The following RGS7 variants were observed in gnomAD, a reference collection of about 807,000 sequenced individuals.
RGS7 encodes regulator of G-protein signaling 7.
A neutral mutation model predicts 81.1 loss-of-function variants in RGS7; 27 were observed. The observed-to-expected ratio is 0.33, with a 90% confidence interval of 0.25 to 0.46. RGS7 has a LOEUF of 0.46. Among genes scored for constraint, RGS7 ranks in the 20% least tolerant of loss-of-function variants. The pLI is 1.00. For missense variants in RGS7, 396 were observed against 607.4 expected (o/e 0.65, Z 3.66); for synonymous variants, 208 against 207.7 (o/e 1.00, Z -0.01).
At chr1:241,205,552 C>G (rs547258739) in intron 2 of RGS7, among the ~76,000 whole-genome samples, 151 of 152,012 alleles carry the variant, frequency 9.9e-4, no homozygotes, top group African/African-American at 3.4e-3. Context: ...CCTCCACCCC[C>G]CAGGTTCAAG....
chr1:240,851,500 C>T (rs1660094979), intron 9 of RGS7, among the ~76,000 whole-genome samples: 1 of 152,190 alleles, frequency 6.6e-6, no homozygotes, highest in African/African-American at 2.4e-5. Context: ...GCTAACACAA[C>T]ATTTAATCTG....
intron 6 of RGS7, among the ~76,000 whole-genome samples, chr1:240,903,755 C>G (rs1162853470): frequency 6.6e-6 from 1 of 152,154 alleles, no homozygotes; most frequent in East Asian, 1.9e-4. Context: ...TTGGTGCCAT[C>G]CTAGTGGTAA....
chr1:241,069,469 G>T (rs927539297), intron 3 of RGS7, among the ~76,000 whole-genome samples: 2 of 151,950 alleles, frequency 1.3e-5, no homozygotes, highest in African/African-American at 4.8e-5. Context: ...TTTACATCTT[G>T]GTAAATCTTC....
chr1:240,813,600 A>G lies in RGS7; in HGVS notation c.956+18T>C. 1 of 1,465,926 alleles carries G rather than the reference A, an allele frequency of 6.8e-7. No homozygotes were observed. The highest frequency in any genetic ancestry group is 9.6e-7 in the Non-Finnish European group (1 of 1,045,116). The allele number at this position is 1,465,926 out of a possible 1,614,324, so 90.8% of individuals were successfully genotyped here. A position where few individuals can be genotyped will look rare whatever the true frequency, so the allele number is the denominator to read the frequency against. ...AAATAAAGCAACATATGGGCGAGAA[A>G]GATAAAATGCCACCTACCTTGCCTC... On this transcript the variant is annotated intron_variant, in intron 13 of 18. Transcript: ENST00000440928.
intron 6 of RGS7, chr1:240,920,458 C>G (rs998973834): frequency 4.6e-6 from 5 of 1,081,606 alleles, no homozygotes; most frequent in Admixed American, 3.4e-5. Flanking sequence ...AACAATCAAT[C>G]TTCACATTTT....
intron 4 of RGS7, among the ~76,000 whole-genome samples, chr1:240,947,330 A>G (rs1383938361): frequency 6.6e-6 from 1 of 152,170 alleles, no homozygotes; most frequent in East Asian, 1.9e-4. Flanking sequence ...AAATTCCTGT[A>G]TGGTATTCTG....
At chr1:241,238,973 T>C (rs1266237727) in intron 2 of RGS7, among the ~76,000 whole-genome samples, 4 of 148,058 alleles carry the variant, frequency 2.7e-5, no homozygotes, top group Non-Finnish European at 3.0e-5. Flanking sequence ...TCTCTTTTTT[T>C]TTTTTTTTTT....
At chr1:240,929,322 A>G (rs1675007276) in intron 6 of RGS7, among the ~76,000 whole-genome samples, 1 of 152,174 alleles carries the variant, frequency 6.6e-6, no homozygotes, top group South Asian at 2.1e-4. Context: ...TCTCCAACTC[A>G]AATCTACAAA....
chr1:241,113,798 T>G (rs540654734), intron 2 of RGS7, among the ~76,000 whole-genome samples: 2 of 152,298 alleles, frequency 1.3e-5, no homozygotes, highest in Non-Finnish European at 1.5e-5. Flanking sequence ...AAGTTCCCCT[T>G]CCTTCTTTCT....
At chr1:240,899,943 C>T (rs1309254035) in intron 6 of RGS7, among the ~76,000 whole-genome samples, 11 of 152,208 alleles carry the variant, frequency 7.2e-5, no homozygotes, top group African/African-American at 2.7e-4. Context: ...AAGATTTGGT[C>T]TTTTCACATA....
intron 2 of RGS7, among the ~76,000 whole-genome samples, chr1:241,227,176 G>A (rs1003048192): frequency 4.6e-5 from 7 of 152,144 alleles, no homozygotes; most frequent in Admixed American, 1.3e-4. Flanking sequence ...ATACACCCAC[G>A]TGCACACGTG....
At chr1:241,017,930 T>A (rs1339441814) in intron 3 of RGS7, among the ~76,000 whole-genome samples, 1 of 151,826 alleles carries the variant, frequency 6.6e-6, no homozygotes, top group African/African-American at 2.4e-5. Context: ...CTGTTTCATA[T>A]GTTAGTCGGG....
At chr1:241,339,907 G>A (rs1361955770) in intron 2 of RGS7, among the ~76,000 whole-genome samples, 1 of 152,088 alleles carries the variant, frequency 6.6e-6, no homozygotes, top group Admixed American at 6.5e-5. Context: ...GAAAAAGAGG[G>A]AAAAAATACC....
intron 2 of RGS7, among the ~76,000 whole-genome samples, chr1:241,105,897 A>G (rs533529739): frequency 6.6e-6 from 1 of 152,348 alleles, no homozygotes; most frequent in African/African-American, 2.4e-5. Context: ...AAGTGGGCAG[A>G]TTGAATGGCT....
At chr1:241,253,759 C>T (rs2148230114) in intron 2 of RGS7, among the ~76,000 whole-genome samples, 1 of 152,284 alleles carries the variant, frequency 6.6e-6, no homozygotes, top group Non-Finnish European at 1.5e-5. Context: ...TTACAGTCCC[C>T]TCCCTTTTCC....
intron 4 of RGS7, among the ~76,000 whole-genome samples, chr1:240,974,292 T>C (rs1252460206): frequency 6.6e-6 from 1 of 152,238 alleles, no homozygotes; most frequent in African/African-American, 2.4e-5. Context: ...TCCTTAATCT[T>C]ATTCTTCTAT....
chr1:241,104,307 C>T (rs550164352), intron 2 of RGS7, among the ~76,000 whole-genome samples: 1 of 152,068 alleles, frequency 6.6e-6, no homozygotes, highest in East Asian at 1.9e-4. Context: ...ATTTGTTAGA[C>T]GCAATAAATT....
chr1:240,998,690 G>A lies in RGS7; in HGVS notation c.176-15561C>T, dbSNP rs992763013. Reference sequence around the variant, plus strand: ...GCCAAAAGGGTTCAACATTTACACCGGCTGCTTTAATGAGGGCATTGATCT... The same window carrying A: ...GCCAAAAGGGTTCAACATTTACACCAGCTGCTTTAATGAGGGCATTGATCT... On this transcript the variant is annotated intron_variant, in intron 3 of 18. Transcript: ENST00000440928. 15 of 1,152,524 alleles carry A rather than the reference G, an allele frequency of 1.3e-5. No homozygotes were observed. The East Asian group carries it at 1.3e-4, about 10-fold the overall frequency. 71.4% of individuals were successfully genotyped at this position (1,152,524 alleles called of 1,614,324 possible).
At chr1:241,145,335 G>A (rs952828322) in intron 2 of RGS7, among the ~76,000 whole-genome samples, 3 of 152,134 alleles carry the variant, frequency 2.0e-5, no homozygotes, top group Non-Finnish European at 4.4e-5. Flanking sequence ...GAGTTTGAAG[G>A]CAGAGACTTA....
Sources: allele counts gnomAD v4.1 joint callset (sites outside exome capture counted in the v4.1 genomes callset), GRCh38; gene constraint gnomAD v4.1.1; transcripts MANE v1.5; gene names NCBI Gene and HGNC (gene_info 2026-07-23, HGNC 2026-07-21).